AUTS2: variants seen among roughly 807,000 people sequenced by gnomAD.
AUTS2 encodes activator of transcription and developmental regulator AUTS2.
Under a neutral mutation model 112.4 loss-of-function variants are expected in AUTS2, and 17 were observed. The observed-to-expected ratio is 0.15, with a 90% CI of 0.10 to 0.23. AUTS2 has a LOEUF of 0.23. AUTS2 is among the 10% of genes least tolerant of loss of function. The pLI is 1.00. For missense variants in AUTS2, 1,510 were observed against 1,701.6 expected, an observed-to-expected ratio of 0.89 and a Z score of 1.98; for synonymous variants, 751 against 702.7, an observed-to-expected ratio of 1.07 and a Z score of -1.09.
chr7:70,550,552 G>T (rs1347387484), intron 5 of AUTS2, among the ~76,000 whole-genome samples: 1 of 152,094 alleles, frequency 6.6e-6, no homozygotes, highest in Non-Finnish European at 1.5e-5. Flanking sequence ...CCTCATCAAA[G>T]AATCTTTTTT....
chr7:70,077,998 T>C (rs1803118322), intron 2 of AUTS2, among the ~76,000 whole-genome samples: 2 of 152,220 alleles, frequency 1.3e-5, no homozygotes, highest in Non-Finnish European at 2.9e-5. Flanking sequence ...CATTCTTTGA[T>C]GTTTGGTACA....
At chr7:69,950,713 G>A (rs1406369716) in intron 2 of AUTS2, among the ~76,000 whole-genome samples, 1 of 152,140 alleles carries the variant, frequency 6.6e-6, no homozygotes, top group Non-Finnish European at 1.5e-5. Flanking sequence ...TAATGTCAAG[G>A]TATGCTGTAT....
At chr7:69,975,845 G>A (rs898327357) in intron 2 of AUTS2, among the ~76,000 whole-genome samples, 20 of 151,722 alleles carry the variant, frequency 1.3e-4, no homozygotes, top group Non-Finnish European at 2.8e-4. Flanking sequence ...GCGCTACCAT[G>A]CCCAGCTAAT....
intron 3 of AUTS2, among the ~76,000 whole-genome samples, chr7:70,132,593 T>G (rs1806335657): frequency 6.6e-6 from 1 of 152,190 alleles, no homozygotes; most frequent in Non-Finnish European, 1.5e-5. Flanking sequence ...CACTGTTCCC[T>G]CATTCAGTCA....
At chr7:70,126,225 C>T (rs937278921) in intron 3 of AUTS2, among the ~76,000 whole-genome samples, 2 of 152,102 alleles carry the variant, frequency 1.3e-5, no homozygotes, top group African/African-American at 4.8e-5. Flanking sequence ...TGGAGATCAG[C>T]CTGGCCAACA....
intron 5 of AUTS2, among the ~76,000 whole-genome samples, chr7:70,684,606 TGTGTGGTGTGGTATG>T (rs1160482636): frequency 7.1e-6 from 1 of 139,934 alleles, no homozygotes; most frequent in Non-Finnish European, 1.6e-5. Context: ...TGGTATGGTG[TGTGTGGTGTGGTATG>T]GTGTGGCGTG....
intron 4 of AUTS2, among the ~76,000 whole-genome samples, chr7:70,286,848 A>G (rs1788483096): frequency 6.6e-6 from 1 of 152,174 alleles, no homozygotes; most frequent in South Asian, 2.1e-4. Flanking sequence ...ATCTTCATAA[A>G]TCAAGAAAAT....
intron 1 of AUTS2, among the ~76,000 whole-genome samples, chr7:69,641,886 TATTG>T (rs1422043359): frequency 6.6e-6 from 1 of 152,252 alleles, no homozygotes; most frequent in Admixed American, 6.5e-5. Context: ...AAGGTCAGGA[TATTG>T]ATTGATGACA....
intron 1 of AUTS2, among the ~76,000 whole-genome samples, chr7:69,687,136 A>G (rs2129174355): frequency 6.6e-6 from 1 of 152,346 alleles, no homozygotes; most frequent in South Asian, 2.1e-4. Context: ...GGAAAATTAC[A>G]GGACAGAAAC....
chr7:70,130,446 G>A (rs527616666), intron 3 of AUTS2, among the ~76,000 whole-genome samples: 1 of 152,238 alleles, frequency 6.6e-6, no homozygotes, highest in South Asian at 2.1e-4. Context: ...AGGCAAGTGG[G>A]GGGAAATGAG....
intron 2 of AUTS2, among the ~76,000 whole-genome samples, chr7:69,921,114 G>A (rs368225126): frequency 3.3e-5 from 5 of 152,164 alleles, no homozygotes; most frequent in African/African-American, 9.7e-5. Context: ...ATGGCGAGTT[G>A]TGTGGTTTGT....
chr7:69,800,287 G>T (rs1205411543), intron 1 of AUTS2, among the ~76,000 whole-genome samples: 1 of 152,160 alleles, frequency 6.6e-6, no homozygotes, highest in Non-Finnish European at 1.5e-5. Context: ...TTGAGAACAT[G>T]TGATAATTAA....
At chr7:69,868,349 C>G (rs568633247) in intron 1 of AUTS2, among the ~76,000 whole-genome samples, 1 of 152,270 alleles carries the variant, frequency 6.6e-6, no homozygotes, top group Admixed American at 6.5e-5. Context: ...GTGTCAAAAA[C>G]AAATGTTGAA....
At chr7:70,534,244 C>T (rs1800215835) in intron 5 of AUTS2, among the ~76,000 whole-genome samples, 1 of 152,226 alleles carries the variant, frequency 6.6e-6, no homozygotes, top group African/African-American at 2.4e-5. Context: ...CTGCCTTTTG[C>T]TGCTCTTTTA....
intron 4 of AUTS2, among the ~76,000 whole-genome samples, chr7:70,371,499 G>A (rs954480508): frequency 6.6e-6 from 1 of 152,172 alleles, no homozygotes. Context: ...ACTAATGATA[G>A]AGGAAAACCT....
chr7:70,209,090 A>C (rs1810724659), intron 4 of AUTS2, among the ~76,000 whole-genome samples: 1 of 152,190 alleles, frequency 6.6e-6, no homozygotes, highest in Non-Finnish European at 1.5e-5. Flanking sequence ...ATCACCTTGC[A>C]TGGGCCAAGA....
At position 70,742,289 on chromosome 7, in the gene AUTS2, TC is replaced by T. The variant is rs1334424076; in HGVS notation, c.743-20575del. ...GCTGATCTAGCCATTTTCCAAAGTC[TC>T]CCCCCGCCAGAGGAATATCTCATAA... On this transcript the variant is annotated intron_variant, in intron 6 of 18. Transcript: ENST00000342771. Among the ~76,000 whole-genome samples, 6 of 152,106 alleles carry T rather than the reference TC, an allele frequency of 3.9e-5. No homozygotes were observed. In the East Asian group the frequency reaches 1.2e-3, roughly 29 times the overall value.
At chr7:69,908,770 G>A (rs907756850) in intron 2 of AUTS2, among the ~76,000 whole-genome samples, 6 of 152,208 alleles carry the variant, frequency 3.9e-5, no homozygotes, top group African/African-American at 1.4e-4. Flanking sequence ...GGTCCTAATT[G>A]CTGGTGATGG....
At chr7:70,310,879 G>A (rs1336144111) in intron 4 of AUTS2, among the ~76,000 whole-genome samples, 2 of 152,108 alleles carry the variant, frequency 1.3e-5, no homozygotes, top group South Asian at 4.2e-4. Context: ...CGTCCTACTG[G>A]GGTTTTTAAA....
Sources: allele counts gnomAD v4.1 joint callset (sites outside exome capture counted in the v4.1 genomes callset), GRCh38; gene constraint gnomAD v4.1.1; transcripts MANE v1.5; gene names NCBI Gene and HGNC (gene_info 2026-07-23, HGNC 2026-07-21).